Variants in BCO1 observed in about 807,000 individuals in gnomAD.
BCO1 encodes beta,beta-carotene 15,15'-dioxygenase.
In BCO1, 54 loss-of-function variants were observed where a neutral mutation model predicts 56.3. The observed-to-expected ratio is 0.96, with a 90% CI of 0.77 to 1.20. The LOEUF (loss-of-function observed/expected upper bound fraction) is 1.20. BCO1 is among the 50% of genes most tolerant of loss of function. The probability of loss-of-function intolerance (pLI) is 0.00; values close to 1 mark genes in which losing one functional copy is unlikely to be tolerated. For synonymous variants in BCO1, 318 were observed against 266.1 expected, an observed-to-expected ratio of 1.20 and a Z score of -1.90; for missense variants, 801 against 690.9, an observed-to-expected ratio of 1.16 and a Z score of -1.79.
intron 2 of BCO1, among the ~76,000 whole-genome samples, chr16:81,257,879 CAAA>C (rs529236932): frequency 6.1e-5 from 4 of 66,064 alleles, no homozygotes; most frequent in Non-Finnish European, 6.6e-5. Flanking sequence ...GACTCCATCT[CAAA>C]AAAAAAAAAA....
At chr16:81,245,721 T>A in intron 2 of BCO1, 118 bp downstream of exon 2, 2 of 1,330,214 alleles carry the variant, frequency 1.5e-6, no homozygotes, top group Admixed American at 3.9e-5. Context: ...AAATCGGGTC[T>A]CACTGAACTG....
At chr16:81,259,442 C>A (rs554737356) in intron 2 of BCO1, among the ~76,000 whole-genome samples, 1 of 151,860 alleles carries the variant, frequency 6.6e-6, no homozygotes, top group Non-Finnish European at 1.5e-5. Flanking sequence ...TGCAGTGAGC[C>A]GAGATCGCAC....
Position 81,244,064 on chromosome 16 carries a change from A to G in BCO1, c.65-1411A>G, listed in dbSNP as rs1459205037. Among the ~76,000 whole-genome samples, 45 of 152,216 alleles carry G rather than the reference A, an allele frequency of 3.0e-4. 1 individual carries two copies. The highest frequency in any genetic ancestry group is 2.9e-3 in the Admixed American group (45 of 15,282). On this transcript the variant is annotated intron_variant, in intron 1 of 10. Coordinates refer to ENST00000258168, the MANE Select transcript of BCO1 (RefSeq NM_017429.3). The stretch of plus-strand genomic sequence containing the variant: ...AGAGCAGCTTCCAGGGGCATTACCT[A>G]TCCGAGGTGCTTCCTGCTCTTCCTG...
chr16:81,250,982 G>A (rs113758556), intron 2 of BCO1, among the ~76,000 whole-genome samples: 7 of 152,240 alleles, frequency 4.6e-5, no homozygotes, highest in African/African-American at 1.7e-4. Context: ...AGGTGACCCC[G>A]AGCCCTCTGA....
At position 81,267,911 on chromosome 16, in the gene BCO1, GC is replaced by G; in HGVS notation, c.624del (p.Lys209ArgfsTer60). On this transcript the variant is annotated frameshift_variant, in exon 6 of 11. Transcript: ENST00000258168. LOFTEE classifies it high-confidence loss of function. ...IFKIPATVPE[G>X]KKQGKSPWKH... ...GGCTTGCTTTTTGTCTTGCTAGAGG[GC>G]AAGAAGCAGGGGAAGAGCCCCTGGA... is the stretch of plus-strand genomic sequence containing the variant. The G allele has an allele frequency of 6.2e-7, 1 of 1,613,660 alleles. No individual in the cohort carries two copies. The highest frequency in any genetic ancestry group is 8.5e-7 in the Non-Finnish European group (1 of 1,179,934).
chr16:81,252,211 CT>C (rs1170540923), intron 2 of BCO1, among the ~76,000 whole-genome samples: 5 of 151,030 alleles, frequency 3.3e-5, no homozygotes, highest in Non-Finnish European at 5.9e-5. Flanking sequence ...TTCTTTCTTT[CT>C]TTTTTTTTCT....
At chr16:81,285,338 T>C (rs530103740) in intron 8 of BCO1, among the ~76,000 whole-genome samples, 4 of 152,334 alleles carry the variant, frequency 2.6e-5, no homozygotes, top group Non-Finnish European at 5.9e-5. Flanking sequence ...CTGGACTCTC[T>C]AATAGAGCTG....
rs76073106 is a variant in BCO1 at position 81,259,602 on chromosome 16, A to G, written c.194-74A>G. The G allele has an allele frequency of 7.0e-3, 11,238 of 1,601,930 alleles. 579 individuals are homozygous for G. In the African/African-American group the frequency reaches 0.13, roughly 18 times the overall value. On this transcript the variant is annotated intron_variant, in intron 2 of 10. Coordinates refer to ENST00000258168, the MANE Select transcript of BCO1 (RefSeq NM_017429.3). The stretch of plus-strand genomic sequence containing the variant: ...CCACCTTCTTCTCCCAGTAAAACCC[A>G]TACAAGGACTGACATTGATTTTAAA...
At chr16:81,277,566 C>T (rs549908679) in intron 7 of BCO1, among the ~76,000 whole-genome samples, 1 of 152,142 alleles carries the variant, frequency 6.6e-6, no homozygotes, top group Non-Finnish European at 1.5e-5. Flanking sequence ...TGAATCACCA[C>T]CCCGATTTTA....
intron 2 of BCO1, among the ~76,000 whole-genome samples, chr16:81,248,068 C>T (rs190179781): frequency 1.1e-4 from 17 of 152,172 alleles, no homozygotes; most frequent in Middle Eastern, 3.4e-3. Context: ...TATTATGTCT[C>T]GTGCACAACA....
intron 3 of BCO1, 77 bp downstream of exon 3, chr16:81,259,882 C>T (rs1297558691): frequency 6.4e-7 from 1 of 1,569,472 alleles, no homozygotes; most frequent in African/African-American, 1.4e-5. Flanking sequence ...AGCATTTGCT[C>T]CTCTGACAAT....
chr16:81,262,414 GT>G, intron 4 of BCO1, 131 bp downstream of exon 4: 1 of 931,796 alleles, frequency 1.1e-6, no homozygotes, highest in Non-Finnish European at 1.7e-6. Context: ...GTTGGATCCC[GT>G]GCCCTAGCGC....
intron 4 of BCO1, 153 bp downstream of exon 4, chr16:81,262,436 G>C (rs1906547800): frequency 3.9e-6 from 3 of 763,148 alleles, no homozygotes; most frequent in Non-Finnish European, 6.8e-6. Flanking sequence ...CACACTTACT[G>C]CTAGATGCTA....
At chr16:81,266,482 A>T (rs1468094549) in intron 5 of BCO1, among the ~76,000 whole-genome samples, 1 of 151,768 alleles carries the variant, frequency 6.6e-6, no homozygotes, top group Non-Finnish European at 1.5e-5. Context: ...ACTGTCTTGT[A>T]GAGCCCCCTG....
intron 4 of BCO1, chr16:81,263,565 C>G (rs1163817493): frequency 1.3e-5 from 2 of 152,180 alleles, no homozygotes; most frequent in Non-Finnish European, 2.9e-5. Context: ...CAATTCAACC[C>G]ATAACTCTGT....
intron 3 of BCO1, among the ~76,000 whole-genome samples, chr16:81,260,043 A>T (rs1213551564): frequency 6.6e-6 from 1 of 152,226 alleles, no homozygotes; most frequent in African/African-American, 2.4e-5. Flanking sequence ...ATTTGGAATC[A>T]TCTGTCAAAA....
intron 8 of BCO1, among the ~76,000 whole-genome samples, chr16:81,284,785 C>T (rs952036236): frequency 1.3e-5 from 2 of 150,522 alleles, no homozygotes; most frequent in Non-Finnish European, 1.5e-5. Flanking sequence ...ATGCCTAGCA[C>T]AGCTTCCTAT....
intron 2 of BCO1, among the ~76,000 whole-genome samples, chr16:81,251,558 T>C (rs1246222548): frequency 6.6e-6 from 1 of 151,232 alleles, no homozygotes; most frequent in Admixed American, 6.6e-5. Context: ...AGACTTCATC[T>C]AAAAAAAATT....
In BCO1 at chr16:81,245,503, C is replaced by A. The variant is rs751251307; in HGVS notation, c.93C>A (p.Thr31=). Reference sequence around the variant, plus strand: ...AGATTCCAGCATGGCTGCAGGGAACCCTGCTCCGCAATGGGCCTGGGATGC... The same window carrying A: ...AGATTCCAGCATGGCTGCAGGGAACACTGCTCCGCAATGGGCCTGGGATGC... ...TGKIPAWLQG[T]LLRNGPGMHT... The change falls in exon 2 of 11, where the codon ACC becomes ACA. Residue 31 remains threonine (T), a synonymous_variant. Coordinates refer to ENST00000258168, the MANE Select transcript of BCO1 (RefSeq NM_017429.3). The A allele has an allele frequency of 6.2e-6, 10 of 1,613,652 alleles. No individual in the cohort carries two copies. Among genetic ancestry groups the A allele is most frequent in the African/African-American group, 1.3e-5 (1 of 74,920 alleles).
Sources: gnomAD v4.1 joint callset for allele counts (sites outside exome capture counted in the v4.1 genomes callset) on GRCh38, gnomAD v4.1.1 for gene constraint, MANE v1.5 for transcripts, NCBI Gene and HGNC (gene_info 2026-07-23, HGNC 2026-07-21) for gene names.